The following CRB2 variants were observed in gnomAD, a reference collection of about 807,000 sequenced individuals.
The protein encoded by CRB2 is protein crumbs homolog 2.
Under a neutral mutation model 110.9 loss-of-function variants are expected in CRB2, and 85 were observed. The ratio of observed to expected loss-of-function variants is 0.77; its 90% CI spans 0.64 to 0.92. The LOEUF (loss-of-function observed/expected upper bound fraction) is 0.92, where lower values mean the gene tolerates loss of function less well. Ranked by LOEUF, CRB2 falls within the 40% of genes least tolerant of loss-of-function variation. CRB2 has a pLI of 0.00. For missense variants in CRB2, 1,843 were observed against 1,851.3 expected (o/e 1.00, Z 0.08); for synonymous variants, 907 against 831.0 (o/e 1.09, Z -1.57).
intron 9 of CRB2, 148 bp from the exon 10 acceptor site, chr9:123,372,986 G>A (rs2042038044): frequency 2.1e-5 from 13 of 612,384 alleles, no homozygotes. Flanking sequence ...TGGTGGGGGC[G>A]GCTGCAGTTT....
intron 1 of CRB2, among the ~76,000 whole-genome samples, chr9:123,357,522 C>T (rs1469301895): frequency 6.6e-6 from 1 of 152,046 alleles, no homozygotes; most frequent in Non-Finnish European, 1.5e-5. Flanking sequence ...GGATGAGGAC[C>T]CCATTTTGCA....
intron 10 of CRB2, 179 bp downstream of exon 10, chr9:123,374,099 C>T (rs1489672893): frequency 1.4e-5 from 13 of 914,708 alleles, no homozygotes; most frequent in Non-Finnish European, 2.2e-5. Context: ...GATCAAAACA[C>T]AACCAGTTAG....
rs758710571 is a variant in CRB2, at chr9:123,370,677, G to T, written c.1624G>T (p.Ala542Ser). 1.9e-6 allele frequency: 3 copies of T among 1,606,220 alleles called. No homozygotes were observed. Among genetic ancestry groups the T allele is most frequent in the Non-Finnish European group, 1.7e-6 (2 of 1,179,942 alleles). The part of the protein sequence containing the change: ...ELRLWHEGCP[A>S]RLCVASGPVA... Reference sequence around the variant, plus strand: ...ACGGCTCTGGCATGAGGGCTGCCCTGCCCGGCTCTGTGTGGCCTCTGGTCC... The same window carrying T: ...ACGGCTCTGGCATGAGGGCTGCCCTTCCCGGCTCTGTGTGGCCTCTGGTCC... Residue 542 changes from alanine to serine, a missense_variant, in exon 7 of 13, where the codon GCC becomes TCC. Physicochemically the swap from Ala to Ser is moderately conservative, Grantham distance 99 (BLOSUM62 1). Transcript: ENST00000373631.
chr9:123,367,544 G>T, intron 5 of CRB2, 29 bp from the exon 6 acceptor site: 1 of 1,529,288 alleles, frequency 6.5e-7, no homozygotes. Flanking sequence ...TGAGGGTGCA[G>T]GTGGGACCCA....
Position 123,362,976 on chromosome 9 carries a change from G to C in CRB2, c.206G>C (p.Arg69Pro), listed in dbSNP as rs751102250. ...TATACCTGTGGGCCCATGGAGCCCC[G>C]GGGCTGTGCCACCCAGCCATGCCAC... The part of the protein sequence containing the change: ...GGYTCGPMEP[R>P]GCATQPCHHG... Residue 69 changes from arginine (R) to proline (P), a missense_variant, in exon 2 of 13, where the codon CGG (arginine) becomes CCG (proline). Transcript: ENST00000373631. 1 of 1,611,900 alleles carries C rather than the reference G, an allele frequency of 6.2e-7. No individual in the cohort carries two copies. The highest frequency in any genetic ancestry group is 2.2e-5 in the East Asian group (1 of 44,846).
downstream of CRB2, among the ~76,000 whole-genome samples, chr9:123,379,386 C>T (rs1182881103): frequency 1.3e-5 from 2 of 152,228 alleles, no homozygotes; most frequent in Admixed American, 6.5e-5. Context: ...CCCTCAACGT[C>T]GTTGGAGGCC....
intron 10 of CRB2, among the ~76,000 whole-genome samples, chr9:123,374,307 T>TCTCCCC (rs919209443): frequency 2.0e-5 from 3 of 152,122 alleles, no homozygotes; most frequent in African/African-American, 7.2e-5. Flanking sequence ...GACCCCTCCC[T>TCTCCCC]CTCCCCTCAA....
intron 6 of CRB2, chr9:123,368,726 C>T: frequency 1.9e-6 from 2 of 1,069,018 alleles, no homozygotes; most frequent in Non-Finnish European, 2.3e-6. Flanking sequence ...GGCTCTTTGC[C>T]CATCCTCCCT....
rs1328882928 is a variant in CRB2, at chr9:123,362,905, C to T, written c.135C>T (p.Asp45=). ...AGCCCCCCAGTGCCTGTGCCTCAGA[C>T]CCGTGCGCTCCAGGGACCGAGTGCC... ...PSEPPSACAS[D]PCAPGTECQA... is the part of the protein sequence containing the mutation. Residue 45 remains aspartate (D), a synonymous_variant, in exon 2 of 13, where the codon GAC becomes GAT. Coordinates refer to ENST00000373631, the MANE Select transcript of CRB2 (RefSeq NM_173689.7). The T allele has an allele frequency of 1.3e-6, 2 of 1,597,136 alleles. No homozygotes were observed. Among genetic ancestry groups the T allele is most frequent in the African/African-American group, 1.3e-5 (1 of 74,642 alleles).
At position 123,373,874 on chromosome 9, in the gene CRB2, C is replaced by T. The variant is rs1219047251; in HGVS notation, c.3343C>T (p.Arg1115Cys). ...RGRCHTHPDG[R>C]FECRCPPGFG... ...CCGCTGTCACACGCACCCCGACGGC[C>T]GCTTCGAGTGCCGCTGCCCGCCTGG... is the stretch of plus-strand genomic sequence containing the variant. Residue 1115 changes from arginine (R) to cysteine (C), a missense_variant, in exon 10 of 13, where the codon CGC becomes TGC. Transcript: ENST00000373631. 1.2e-5 allele frequency: 18 copies of T among 1,550,346 alleles called. No individual in the cohort carries two copies. Among genetic ancestry groups the T allele is most frequent in the African/African-American group, 2.7e-5 (2 of 73,226 alleles).
downstream of CRB2, chr9:123,378,807 T>TG (rs2042150799): frequency 1.5e-5 from 1 of 66,230 alleles, no homozygotes; most frequent in Non-Finnish European, 2.8e-5. Flanking sequence ...TGTTTTTTGT[T>TG]TTTTTTTTTT....
chr9:123,370,594 T>G lies in CRB2; in HGVS notation c.1541T>G (p.Leu514Arg), dbSNP rs779121431. The change falls in exon 7 of 13, where the codon CTA (leucine) becomes CGA (arginine). Residue 514 changes from leucine to arginine, a missense_variant. Physicochemically the swap from Leu to Arg is moderately radical, Grantham distance 102 (BLOSUM62 -2). Transcript: ENST00000373631. ...GTCCTGAGACTGCCGGACCTGGCCC[T>G]AAACGATGGCCATTGGCACCAGGTG... ...VLVLRLPDLALNDGHWHQVEV... is the reference protein window; with the variant it reads ...VLVLRLPDLARNDGHWHQVEV... 9 of 1,613,052 alleles carry G rather than the reference T, an allele frequency of 5.6e-6. No homozygotes were observed. Among genetic ancestry groups the G allele is most frequent in the Non-Finnish European group, 7.6e-6 (9 of 1,180,022 alleles).
intron 11 of CRB2, 138 bp from the exon 12 acceptor site, chr9:123,375,079 C>T: frequency 1.5e-6 from 2 of 1,316,520 alleles, no homozygotes; most frequent in African/African-American, 1.5e-5. Flanking sequence ...CAGGGCCCAG[C>T]TGGGCAGGAG....
chr9:123,354,404 T>C (rs1473799913), upstream of CRB2, among the ~76,000 whole-genome samples: 1 of 152,210 alleles, frequency 6.6e-6, no homozygotes, highest in East Asian at 1.9e-4. Flanking sequence ...CAGCCCCCCA[T>C]TGGGATTGCC....
chr9:123,359,880 C>T (rs766636058), intron 1 of CRB2, among the ~76,000 whole-genome samples: 12 of 151,822 alleles, frequency 7.9e-5, no homozygotes, highest in African/African-American at 1.9e-4. Context: ...TCTGGATAGA[C>T]GGGGAAGATT....
At chr9:123,368,505 T>C (rs538783660) in intron 6 of CRB2, among the ~76,000 whole-genome samples, 76 of 152,326 alleles carry the variant, frequency 5.0e-4, no homozygotes, top group African/African-American at 1.5e-3. Context: ...AAGCATTTGC[T>C]CTGCATTTTG....
intron 2 of CRB2, among the ~76,000 whole-genome samples, chr9:123,364,065 G>A (rs1241298696): frequency 6.6e-6 from 1 of 152,212 alleles, no homozygotes; most frequent in Non-Finnish European, 1.5e-5. Flanking sequence ...GGTACAGATT[G>A]GGGGGCTGGG....
At chr9:123,361,492 T>A (rs913630868) in intron 1 of CRB2, among the ~76,000 whole-genome samples, 6 of 147,900 alleles carry the variant, frequency 4.1e-5, no homozygotes, top group Non-Finnish European at 7.4e-5. Flanking sequence ...CAGCCTTATC[T>A]GGGGGGCTTC....
chr9:123,358,642 G>T (rs2041826723), intron 1 of CRB2, among the ~76,000 whole-genome samples: 1 of 152,210 alleles, frequency 6.6e-6, no homozygotes, highest in Non-Finnish European at 1.5e-5. Context: ...TATGAAGTCA[G>T]CTCTGATACC....
Sources: allele counts gnomAD v4.1 joint callset (sites outside exome capture counted in the v4.1 genomes callset), GRCh38; gene constraint gnomAD v4.1.1; transcripts MANE v1.5; gene names NCBI Gene and HGNC (gene_info 2026-07-23, HGNC 2026-07-21).